The following CRYBG2 variants were observed in gnomAD, a reference collection of about 807,000 sequenced individuals.
The protein encoded by CRYBG2 is beta/gamma crystallin domain-containing protein 2.
Under a neutral mutation model 153.4 loss-of-function variants are expected in CRYBG2, and 106 were observed. The observed-to-expected ratio is 0.69, with a 90% confidence interval of 0.59 to 0.81. The LOEUF is 0.81. Ranked by LOEUF, CRYBG2 falls within the 30% of genes least tolerant of loss-of-function variation. The pLI is 0.00. For synonymous variants in CRYBG2, 851 were observed against 877.8 expected (o/e 0.97, Z 0.54); for missense variants, 1,996 against 2,112.0 (o/e 0.95, Z 1.08).
At position 26,343,167 on chromosome 1, in the gene CRYBG2, G is replaced by A. The variant is rs2074154189; in HGVS notation, c.2962-8C>T. On this transcript the variant is annotated splice_polypyrimidine_tract_variant and splice_region_variant and intron_variant, in intron 3 of 19. Transcript: ENST00000308182. This position sits in a 1 kb window ranked among gnomAD's most constrained non-coding sequence, Gnocchi z 4.1. The stretch of plus-strand genomic sequence containing the variant: ...CTCTGAGAAGAAGATCACCTGAGAA[G>A]GCACAGAAGGGGTCCTCAGGCCCTG... The A allele has an allele frequency of 1.3e-6, 2 of 1,550,516 alleles. No homozygotes were observed. The highest frequency in any genetic ancestry group is 1.2e-5 in the South Asian group (1 of 84,072).
At position 26,338,433 on chromosome 1, in the gene CRYBG2, A is replaced by T; in HGVS notation, c.3389T>A (p.Ile1130Asn). The T allele has an allele frequency of 6.2e-7, 1 of 1,613,244 alleles. No individual in the cohort carries two copies. The highest frequency in any genetic ancestry group is 1.7e-4 in the Middle Eastern group (1 of 6,056). Reference sequence around the variant, plus strand: ...GGTGGGGTACTCTCCAGGTTCCAGGATGTAGGGAGTGTCTTCGAATAATGG... The same window carrying T: ...GGTGGGGTACTCTCCAGGTTCCAGGTTGTAGGGAGTGTCTTCGAATAATGG... ...PKPLFEDTPY[I>N]LEPGEYPTSE... The change falls in exon 7 of 20, where the codon ATC becomes AAC. Residue 1130 changes from isoleucine to asparagine, a missense_variant. Physicochemically the swap from Ile to Asn is moderately radical, Grantham distance 149 (BLOSUM62 -3). Transcript: ENST00000308182.
Position 26,324,100 on chromosome 1 carries a change from C to A in CRYBG2, c.4737+52G>T, listed in dbSNP as rs2073891642. On this transcript the variant is annotated intron_variant, in intron 18 of 19. Transcript: ENST00000308182. ...TTGGGCTGGGACTCCCCAGAGTGGA[C>A]CTGCAAATGCCTAGGGCCAGGGTGT... 1.9e-6 allele frequency: 3 copies of A among 1,580,368 alleles called. No homozygotes were observed. The Admixed American group carries it at 5.1e-5, about 27-fold the overall frequency.
At chr1:26,323,503 A>G (rs1301605835) in intron 18 of CRYBG2, among the ~76,000 whole-genome samples, 1 of 152,194 alleles carries the variant, frequency 6.6e-6, no homozygotes, top group African/African-American at 2.4e-5. Context: ...AAGCTTCAGG[A>G]CGGCAGGTGT....
At position 26,346,286 on chromosome 1, in the gene CRYBG2, G is replaced by T; in HGVS notation, c.372C>A (p.Ser124Arg). Residue 124 changes from serine to arginine, a missense_variant, in exon 2 of 20, where the codon AGC becomes AGA. Physicochemically the swap from Ser to Arg is moderately radical, Grantham distance 110 (BLOSUM62 -1). Coordinates refer to ENST00000308182, the MANE Select transcript of CRYBG2 (RefSeq NM_001039775.4). The surrounding 1 kb of genome is among the most constrained non-coding windows in gnomAD (Gnocchi z 4.9). ...LKEAVDQSDG[S>R]RQAPRTEPPC... ...GGGGCTCAGTCCTGGGAGCTTGGCG[G>T]CTGCCATCACTCTGGTCCACAGCCT... is the stretch of plus-strand genomic sequence containing the variant. 6.3e-7 allele frequency: 1 copy of T among 1,596,106 alleles called. No individual in the cohort carries two copies. Among genetic ancestry groups the T allele is most frequent in the Non-Finnish European group, 8.5e-7 (1 of 1,177,726 alleles).
In CRYBG2 at chr1:26,339,405, G is replaced by A. The variant is rs770453689; in HGVS notation, c.3229C>T (p.Leu1077Phe). The A allele has an allele frequency of 1.9e-5, 30 of 1,614,082 alleles. No homozygotes were observed. Among genetic ancestry groups the A allele is most frequent in the Non-Finnish European group, 2.5e-5 (30 of 1,180,054 alleles). ...VWDYSTPEIS[L>F]FSEEGLKGEQ... ...CCCTTGAGGCCCTCCTCAGAGAAGA[G>A]GCTGATTTCCGGGGTGCTGTAGTCC... The change falls in exon 6 of 20, where the codon CTC becomes TTC. Residue 1077 changes from leucine to phenylalanine, a missense_variant. Physicochemically the swap from Leu to Phe is conservative, Grantham distance 22. Coordinates refer to ENST00000308182, the MANE Select transcript of CRYBG2 (RefSeq NM_001039775.4).
chr1:26,337,071 A>G, intron 10 of CRYBG2, 91 bp from the exon 11 acceptor site: 2 of 1,569,580 alleles, frequency 1.3e-6, no homozygotes, highest in African/African-American at 2.7e-5. Flanking sequence ...CACCCGGGGA[A>G]TTAGGGGTGA....
chr1:26,338,020 C>T lies in CRYBG2; in HGVS notation c.3499G>A (p.Glu1167Lys), dbSNP rs1469411716. Residue 1167 changes from glutamate (E) to lysine (K), a missense_variant, in exon 8 of 20, where the codon GAG becomes AAG. Coordinates refer to ENST00000308182, the MANE Select transcript of CRYBG2 (RefSeq NM_001039775.4). ...LGCPSVEKPG[E>K]PRAVVYEAPG... Reference sequence around the variant, plus strand: ...TAAGCCCAGACTCTTACCCTGGGCTCCCCTGGCTTCTCCACACTTGGGCAG... The same window carrying T: ...TAAGCCCAGACTCTTACCCTGGGCTTCCCTGGCTTCTCCACACTTGGGCAG... 6.2e-6 allele frequency: 10 copies of T among 1,612,632 alleles called. 1 individual carries two copies. The highest frequency in any genetic ancestry group is 1.7e-4 in the Middle Eastern group (1 of 6,060).
In CRYBG2 at chr1:26,336,804, C is replaced by T. The variant is rs1182110271; in HGVS notation, c.3911+37G>A. On this transcript the variant is annotated intron_variant, in intron 11 of 19. Transcript: ENST00000308182. The surrounding 1 kb of genome is among the most constrained non-coding windows in gnomAD (Gnocchi z 4.9). ...TCTCCTGGAACCGCCCCCGGCTCGC[C>T]CGGGCCCGCCCCGCTCCCGGAGCCC... The T allele has an allele frequency of 6.4e-7, 1 of 1,552,972 alleles. No individual in the cohort carries two copies. Among genetic ancestry groups the T allele is most frequent in the Non-Finnish European group, 8.7e-7 (1 of 1,150,830 alleles).
In CRYBG2 at chr1:26,337,530, G is replaced by A; in HGVS notation, c.3644+8C>T. 1.2e-6 allele frequency: 2 copies of A among 1,611,636 alleles called. No homozygotes were observed. Among genetic ancestry groups the A allele is most frequent in the South Asian group, 2.2e-5 (2 of 91,078 alleles). On this transcript the variant is annotated splice_region_variant and intron_variant, in intron 9 of 19. Coordinates refer to ENST00000308182, the MANE Select transcript of CRYBG2 (RefSeq NM_001039775.4). ...GATGAAATAGAAGGAAGGGTCCTGAGTTCTCACCAGCCTCCGAGAACTCTC... is the reference window on the plus strand; with the variant it reads ...GATGAAATAGAAGGAAGGGTCCTGAATTCTCACCAGCCTCCGAGAACTCTC...
chr1:26,324,468 A>G (rs978946209), intron 17 of CRYBG2, among the ~76,000 whole-genome samples, 158 bp from the exon 18 acceptor site: 2 of 148,696 alleles, frequency 1.3e-5, no homozygotes, highest in African/African-American at 5.0e-5. Context: ...GCTTCTTTAC[A>G]CACACATACG....
chr1:26,345,316 G>A lies in CRYBG2; in HGVS notation c.1342C>T (p.Gln448Ter). 1 of 1,613,586 alleles carries A rather than the reference G, an allele frequency of 6.2e-7. No individual in the cohort carries two copies. The highest frequency in any genetic ancestry group is 2.2e-5 in the East Asian group (1 of 44,882). The change falls in exon 2 of 20, where the codon CAG (glutamine) becomes TAG (stop). Residue 448 changes from glutamine to a stop codon, truncating the protein, a stop_gained. Coordinates refer to ENST00000308182, the MANE Select transcript of CRYBG2 (RefSeq NM_001039775.4). LOFTEE classifies it high-confidence loss of function. ...AGGACAGGGACATTTTCAGAGTTCTGAACAAACTTATTCCTTGGGGACGAT... is the reference window on the plus strand; with the variant it reads ...AGGACAGGGACATTTTCAGAGTTCTAAACAAACTTATTCCTTGGGGACGAT... ...APSSPRNKFV[Q>*]NSENVPVLPF...
rs1266896093 is a variant in CRYBG2, at chr1:26,336,196, G to GA, written c.4082dup (p.Ser1362LeufsTer15). On this transcript the variant is annotated frameshift_variant, in exon 14 of 20. Coordinates refer to ENST00000308182, the MANE Select transcript of CRYBG2 (RefSeq NM_001039775.4). LOFTEE classifies it high-confidence loss of function. This position sits in a 1 kb window ranked among gnomAD's most constrained non-coding sequence, Gnocchi z 4.9. ...GGTCGCCCAGAAAGTCGGGGCGGGA[G>GA]AAAAGCTGAATCTGGAGGCAGAGAG... 6.4e-7 allele frequency: 1 copy of GA among 1,553,676 alleles called. No homozygotes were observed. The highest frequency in any genetic ancestry group is 1.4e-5 in the African/African-American group (1 of 73,230).
intron 15 of CRYBG2, among the ~76,000 whole-genome samples, chr1:26,329,900 C>T (rs2073979045): frequency 6.6e-6 from 1 of 152,194 alleles, no homozygotes; most frequent in Non-Finnish European, 1.5e-5. Context: ...CATGTGCCAT[C>T]ATGCCCGGCT....
At chr1:26,335,945 C>T (rs1162435465) in intron 14 of CRYBG2, 150 bp downstream of exon 14, 6 of 589,510 alleles carry the variant, frequency 1.0e-5, no homozygotes, top group Non-Finnish European at 1.4e-5. Flanking sequence ...TTTACATTTT[C>T]CATTAAAACC....
Position 26,345,838 on chromosome 1 carries a change from A to G in CRYBG2, c.820T>C (p.Leu274=). 6.3e-7 allele frequency: 1 copy of G among 1,596,644 alleles called. No homozygotes were observed. Among genetic ancestry groups the G allele is most frequent in the Non-Finnish European group, 8.5e-7 (1 of 1,179,174 alleles). ...GTCCCGGTCTCAGGCAGCTGCCTCA[A>G]GGCTGCCCCCACTGTGCTGCCCAGA... The part of the protein sequence containing the change: ...TGLGSTVGAA[L]RQLPETGTAE... The change falls in exon 2 of 20, where the codon TTG becomes CTG. Residue 274 remains leucine (L), a synonymous_variant. Transcript: ENST00000308182.
Position 26,354,095 on chromosome 1 carries a change from GGGCC to G in CRYBG2, c.-119_-116del. On this transcript the variant is annotated 5_prime_UTR_variant, in exon 1 of 20. Transcript: ENST00000308182. ...CAGCCAGCCTGGAGCTCCTGCTGCT[GGGCC>G]GTGCTCCCCTGATGCGATTGGGCTC... 3 of 399,714 alleles carry G rather than the reference GGGCC, an allele frequency of 7.5e-6. No homozygotes were observed. Among genetic ancestry groups the G allele is most frequent in the Non-Finnish European group, 1.3e-5 (3 of 226,624 alleles). 24.8% of individuals were successfully genotyped at this position (399,714 alleles called of 1,614,324 possible). A position where few individuals can be genotyped will look rare whatever the true frequency, so the allele number is the denominator to read the frequency against.
chr1:26,336,650 C>T lies in CRYBG2; in HGVS notation c.3994G>A (p.Gly1332Ser), dbSNP rs1281966975. 1 of 1,551,858 alleles carries T rather than the reference C, an allele frequency of 6.4e-7. No individual in the cohort carries two copies. Among genetic ancestry groups the T allele is most frequent in the Non-Finnish European group, 8.7e-7 (1 of 1,147,438 alleles). ...GAGGCGAGGGTGCTGTTGCCAGCGC[C>T]CCAGTCCTCGCAGTTACGATACACG... ...KGVYRNCEDW[G>S]AGNSTLASLQ... Residue 1332 changes from glycine to serine, a missense_variant, in exon 12 of 20, where the codon GGC becomes AGC. By Grantham distance (56) the Gly-to-Ser change is moderately conservative (BLOSUM62 0). Coordinates refer to ENST00000308182, the MANE Select transcript of CRYBG2 (RefSeq NM_001039775.4). This position sits in a 1 kb window ranked among gnomAD's most constrained non-coding sequence, Gnocchi z 4.9.
chr1:26,345,479 C>CT lies in CRYBG2; in HGVS notation c.1178dup (p.Asp394GlyfsTer52), dbSNP rs747248693. ...CAGCAGGGGGGTCCACGGGCCCGTC[C>CT]TTTTTTTTAGGGGGCAGAACAAGGG... On this transcript the variant is annotated frameshift_variant, in exon 2 of 20. Coordinates refer to ENST00000308182, the MANE Select transcript of CRYBG2 (RefSeq NM_001039775.4). LOFTEE classifies it high-confidence loss of function. The CT allele has an allele frequency of 1.8e-5, 28 of 1,590,590 alleles. No individual in the cohort carries two copies. The highest frequency in any genetic ancestry group is 5.2e-5 in the Admixed American group (3 of 58,120).
At position 26,346,407 on chromosome 1, in the gene CRYBG2, G is replaced by A. The variant is rs1479568032; in HGVS notation, c.251C>T (p.Thr84Ile). The change falls in exon 2 of 20, where the codon ACA becomes ATA. Residue 84 changes from threonine (T) to isoleucine (I), a missense_variant. Physicochemically the swap from Thr to Ile is moderately conservative, Grantham distance 89. Coordinates refer to ENST00000308182, the MANE Select transcript of CRYBG2 (RefSeq NM_001039775.4). This position sits in a 1 kb window ranked among gnomAD's most constrained non-coding sequence, Gnocchi z 4.9. ...ETVNCQGPRD[T>I]AGSKNFQSHG... ...GCTCTGGAAGTTCTTGGAGCCAGCT[G>A]TATCCCGAGGGCCCTGGCAATTCAC... 7 of 1,600,002 alleles carry A rather than the reference G, an allele frequency of 4.4e-6. No individual in the cohort carries two copies. The highest frequency in any genetic ancestry group is 2.2e-5 in the South Asian group (2 of 91,038).
Sources: gnomAD v4.1 joint callset for allele counts (sites outside exome capture counted in the v4.1 genomes callset) on GRCh38, gnomAD v4.1.1 for gene constraint, Gnocchi (gnomAD v3.1) non-coding constraint, MANE v1.5 for transcripts, NCBI Gene and HGNC (gene_info 2026-07-23, HGNC 2026-07-21) for gene names.